The following LARP4 variants were observed in gnomAD, a reference collection of about 807,000 sequenced individuals.
LARP4 encodes the protein la-related protein 4.
Under a neutral mutation model 92.9 loss-of-function variants are expected in LARP4, and 29 were observed. That is an observed-to-expected ratio of 0.31 (90% confidence interval 0.23 to 0.43). The LOEUF is 0.43. Among genes scored for constraint, LARP4 ranks in the 20% least tolerant of loss-of-function variants. The probability of loss-of-function intolerance (pLI) is 1.00; values close to 1 mark genes in which losing one functional copy is unlikely to be tolerated. For synonymous variants in LARP4, 279 were observed against 284.1 expected (o/e 0.98, Z 0.18); for missense variants, 732 against 860.0 (o/e 0.85, Z 1.86).
intron 7 of LARP4, among the ~76,000 whole-genome samples, chr12:50,441,048 T>C (rs1288917533): frequency 1.3e-5 from 2 of 152,046 alleles, no homozygotes. Flanking sequence ...TACACCCAGC[T>C]AATTTTTTGT....
At chr12:50,439,553 C>A (rs1191340160) in intron 6 of LARP4, among the ~76,000 whole-genome samples, 1 of 152,094 alleles carries the variant, frequency 6.6e-6, no homozygotes, top group Non-Finnish European at 1.5e-5. Context: ...CGGGAGCCAG[C>A]CACCATGCCC....
intron 1 of LARP4, among the ~76,000 whole-genome samples, chr12:50,421,508 G>A (rs1947789393): frequency 6.6e-6 from 1 of 151,902 alleles, no homozygotes. Flanking sequence ...CGGGCATGGT[G>A]GCACACGCCT....
chr12:50,418,565 A>G (rs1947231345), intron 1 of LARP4, among the ~76,000 whole-genome samples: 1 of 152,128 alleles, frequency 6.6e-6, no homozygotes, highest in African/African-American at 2.4e-5. Flanking sequence ...GACTGTAGGC[A>G]TGTGCCAACA....
intron 1 of LARP4, among the ~76,000 whole-genome samples, chr12:50,411,571 C>T (rs1945904464): frequency 6.6e-6 from 1 of 151,978 alleles, no homozygotes; most frequent in Non-Finnish European, 1.5e-5. Context: ...TCGGGTGATT[C>T]GCCTGCCTCA....
At chr12:50,440,907 G>A (rs773023232) in intron 7 of LARP4, among the ~76,000 whole-genome samples, 2 of 147,978 alleles carry the variant, frequency 1.4e-5, no homozygotes, top group Non-Finnish European at 3.0e-5. Context: ...TTTTTGAGAC[G>A]GAGTCTCACT....
chr12:50,467,187 T>A (rs1472835264), intron 13 of LARP4, 67 bp downstream of exon 13: 4 of 1,303,118 alleles, frequency 3.1e-6, no homozygotes, highest in Non-Finnish European at 4.2e-6. Flanking sequence ...AGTGTTGTTA[T>A]TTAAAATTTT....
At chr12:50,439,555 A>G (rs889069363) in intron 6 of LARP4, among the ~76,000 whole-genome samples, 2 of 152,000 alleles carry the variant, frequency 1.3e-5, no homozygotes, top group African/African-American at 4.8e-5. Context: ...GGAGCCAGCC[A>G]CCATGCCCAG....
At chr12:50,473,260 A>G (rs1320960093) in intron 13 of LARP4, among the ~76,000 whole-genome samples, 155 bp from the exon 14 acceptor site, 3 of 152,056 alleles carry the variant, frequency 2.0e-5, no homozygotes, top group Non-Finnish European at 2.9e-5. Flanking sequence ...AATTATAACC[A>G]TCCTTGTGGG....
intron 12 of LARP4, among the ~76,000 whole-genome samples, chr12:50,463,701 G>A (rs1290511543): frequency 6.6e-6 from 1 of 152,168 alleles, no homozygotes; most frequent in African/African-American, 2.4e-5. Flanking sequence ...GCTTTGCAGG[G>A]ATCAACCCTG....
chr12:50,429,915 C>T (rs1593000504), intron 3 of LARP4, among the ~76,000 whole-genome samples: 1 of 152,316 alleles, frequency 6.6e-6, no homozygotes, highest in South Asian at 2.1e-4. Context: ...GCTGGGATTA[C>T]AGGCGTGAGC....
At chr12:50,466,380 A>G (rs1956150080) in intron 12 of LARP4, among the ~76,000 whole-genome samples, 2 of 152,146 alleles carry the variant, frequency 1.3e-5, no homozygotes, top group South Asian at 4.1e-4. Context: ...TTGGGAGGCC[A>G]AGGAGAGAGG....
intron 1 of LARP4, among the ~76,000 whole-genome samples, chr12:50,406,615 A>G (rs1225003858): frequency 2.0e-5 from 3 of 152,170 alleles, no homozygotes; most frequent in African/African-American, 7.2e-5. Flanking sequence ...GGGCTCAAGC[A>G]ATCTGGCCTC....
intron 5 of LARP4, 43 bp downstream of exon 5, chr12:50,435,667 G>T: frequency 2.8e-6 from 4 of 1,423,478 alleles, no homozygotes; most frequent in South Asian, 1.3e-5. Flanking sequence ...ATTTTTAAAC[G>T]TAAAATGTTA....
chr12:50,474,744 ATAAAGAGGCCTTGTGCCTC>A (rs1453509277), intron 15 of LARP4, among the ~76,000 whole-genome samples: 4 of 152,224 alleles, frequency 2.6e-5, no homozygotes, highest in Non-Finnish European at 5.9e-5. Flanking sequence ...TGGGGCTAAC[ATAAAGAGGCCTTGTGCCTC>A]TTGATATTCT....
chr12:50,436,078 T>TATCCCGCTG (rs2137406237), intron 5 of LARP4, among the ~76,000 whole-genome samples: 1 of 135,858 alleles, frequency 7.4e-6, no homozygotes, highest in Admixed American at 7.9e-5. Flanking sequence ...TGTGTGTGTG[T>TATCCCGCTG]GTGTGTGTGT....
chr12:50,435,087 CAGTT>C (rs1297514378), intron 4 of LARP4, among the ~76,000 whole-genome samples: 2 of 152,136 alleles, frequency 1.3e-5, no homozygotes, highest in African/African-American at 4.8e-5. Flanking sequence ...CTTCTTGAGT[CAGTT>C]CACAGTTCAG....
At chr12:50,458,280 T>G (rs1031284257) in intron 10 of LARP4, among the ~76,000 whole-genome samples, 1 of 151,852 alleles carries the variant, frequency 6.6e-6, no homozygotes, top group Non-Finnish European at 1.5e-5. Flanking sequence ...GTTTGTTTGT[T>G]TTTGTTTTTT....
intron 6 of LARP4, among the ~76,000 whole-genome samples, chr12:50,439,375 A>T (rs1486724313): frequency 2.6e-5 from 4 of 152,030 alleles, no homozygotes; most frequent in African/African-American, 9.7e-5. Context: ...TTGCTTTTAA[A>T]ATTTTTTTTT....
intron 8 of LARP4, among the ~76,000 whole-genome samples, chr12:50,442,616 CATT>C (rs1951394375): frequency 6.6e-6 from 1 of 152,186 alleles, no homozygotes. Context: ...AAATGTAATA[CATT>C]ATTCTTACTA....
Sources: allele counts gnomAD v4.1 joint callset (sites outside exome capture counted in the v4.1 genomes callset), GRCh38; gene constraint gnomAD v4.1.1; transcripts MANE v1.5; gene names NCBI Gene and HGNC (gene_info 2026-07-23, HGNC 2026-07-21).